The following MAF variants were observed in gnomAD, a reference collection of about 807,000 sequenced individuals.
The protein encoded by MAF is transcription factor Maf.
A neutral mutation model predicts 22.0 loss-of-function variants in MAF; 10 were observed. The observed-to-expected ratio is 0.45, with a 90% CI of 0.28 to 0.77. MAF has a LOEUF of 0.77. Ranked by LOEUF, MAF falls within the 30% of genes least tolerant of loss-of-function variation. MAF has a pLI of 0.12. For synonymous variants in MAF, 337 were observed against 255.8 expected (o/e 1.32, Z -3.03); for missense variants, 544 against 548.4 (o/e 0.99, Z 0.08).
At chr16:79,473,403 T>A in the MAF span, among the ~76,000 whole-genome samples, 148,733 of 152,326 alleles carry the variant, frequency 0.98, 72,714 homozygotes, top group Middle Eastern at 1. Flanking sequence ...TGGGGCTACC[T>A]CTGGGCCTCT....
chr16:79,389,103 C>T, the MAF span, among the ~76,000 whole-genome samples: 214 of 152,224 alleles, frequency 1.4e-3, no homozygotes, highest in Non-Finnish European at 2.3e-3. Context: ...GGCTGGACAG[C>T]GGGTGGCAAA....
the MAF span, among the ~76,000 whole-genome samples, chr16:79,227,949 G>T: frequency 6.6e-6 from 1 of 152,036 alleles, no homozygotes; most frequent in South Asian, 2.1e-4. Flanking sequence ...TGTCACACAG[G>T]CAAGACTGCT....
chr16:79,244,737 C>CAAA, the MAF span, among the ~76,000 whole-genome samples: 1 of 151,874 alleles, frequency 6.6e-6, no homozygotes, highest in Non-Finnish European at 1.5e-5. Flanking sequence ...CATATGGAAC[C>CAAA]AAAAAAGAGC....
chr16:79,476,259 A>G, the MAF span, among the ~76,000 whole-genome samples: 1,048 of 152,278 alleles, frequency 6.9e-3, 13 homozygotes, highest in African/African-American at 0.024. Context: ...TGGCCAGGGA[A>G]CACAGGTAAG....
At chr16:79,491,040 A>T in the MAF span, among the ~76,000 whole-genome samples, 365 of 152,342 alleles carry the variant, frequency 2.4e-3, 2 homozygotes, top group Middle Eastern at 0.024. Context: ...CAATAAATGG[A>T]AACAAGTCAC....
chr16:79,361,025 T>C, the MAF span, among the ~76,000 whole-genome samples: 6 of 152,190 alleles, frequency 3.9e-5, no homozygotes, highest in African/African-American at 1.2e-4. Flanking sequence ...AATATTTATG[T>C]TACTAAACAC....
chr16:79,281,907 C>T, the MAF span, among the ~76,000 whole-genome samples: 1 of 152,236 alleles, frequency 6.6e-6, no homozygotes, highest in East Asian at 1.9e-4. Context: ...CTGTGTGTGG[C>T]TAGCAAGGAC....
chr16:79,313,037 G>A, the MAF span, among the ~76,000 whole-genome samples: 9 of 152,150 alleles, frequency 5.9e-5, no homozygotes, highest in Non-Finnish European at 1.0e-4. Context: ...AGTAGACTGG[G>A]CAAATAGAGT....
chr16:79,383,853 G>A, the MAF span, among the ~76,000 whole-genome samples: 3 of 152,146 alleles, frequency 2.0e-5, no homozygotes, highest in African/African-American at 7.2e-5. Context: ...GGATGAACTA[G>A]TCATCAAGAT....
At chr16:79,305,204 G>C in the MAF span, among the ~76,000 whole-genome samples, 1 of 152,186 alleles carries the variant, frequency 6.6e-6, no homozygotes, top group South Asian at 2.1e-4. Flanking sequence ...CAGGTGAACT[G>C]TTTCTATTAC....
chr16:79,407,273 G>A, the MAF span, among the ~76,000 whole-genome samples: 3 of 152,204 alleles, frequency 2.0e-5, no homozygotes, highest in African/African-American at 7.2e-5. Flanking sequence ...ACGGGGGACA[G>A]GGGCCTCTTG....
At chr16:79,552,569 A>G in the MAF span, among the ~76,000 whole-genome samples, 1 of 152,112 alleles carries the variant, frequency 6.6e-6, no homozygotes, top group Admixed American at 6.5e-5. Flanking sequence ...CGTAAGTCTC[A>G]TTTTAAGTCT....
At chr16:79,593,434 G>T (rs75846970), downstream of MAF, among the ~76,000 whole-genome samples, 2,663 of 152,236 alleles carry the variant, frequency 0.017, 64 homozygotes, top group African/African-American at 0.061. Flanking sequence ...TGTGGCAAGG[G>T]GGTGGTTCTA....
chr16:79,202,884 T>A, the MAF span: 1 of 152,210 alleles, frequency 6.6e-6, no homozygotes, highest in Admixed American at 6.5e-5. Context: ...AGATGAGTAG[T>A]CAGCACATGC....
chr16:79,505,581 G>A, the MAF span: 1 of 152,336 alleles, frequency 6.6e-6, no homozygotes. Flanking sequence ...CCAGGGCGCA[G>A]GGACCGGAGA....
chr16:79,249,936 G>T, the MAF span, among the ~76,000 whole-genome samples: 2 of 152,178 alleles, frequency 1.3e-5, no homozygotes, highest in African/African-American at 4.8e-5. Flanking sequence ...CTTAATAAAT[G>T]TATGGTAAAT....
chr16:79,398,566 G>C, the MAF span, among the ~76,000 whole-genome samples: 156 of 152,232 alleles, frequency 1.0e-3, 1 homozygote, highest in African/African-American at 3.5e-3. Context: ...GAGTATCCTA[G>C]AGATAGAAGT....
the MAF span, among the ~76,000 whole-genome samples, chr16:79,297,409 G>C: frequency 6.6e-6 from 1 of 152,178 alleles, no homozygotes; most frequent in Non-Finnish European, 1.5e-5. Context: ...TGAAAACAGG[G>C]ATGGATAAGG....
chr16:79,285,570 T>C, the MAF span, among the ~76,000 whole-genome samples: 2 of 152,152 alleles, frequency 1.3e-5, no homozygotes, highest in Non-Finnish European at 2.9e-5. Flanking sequence ...TGACTCTGAA[T>C]TTCTGGGAGT....
Sources: gnomAD v4.1 joint callset for allele counts (sites outside exome capture counted in the v4.1 genomes callset) on GRCh38, gnomAD v4.1.1 for gene constraint, MANE v1.5 for transcripts, NCBI Gene and HGNC (gene_info 2026-07-23, HGNC 2026-07-21) for gene names.